SYNE2: variants seen among roughly 807,000 people sequenced by gnomAD.
The protein encoded by SYNE2 is nesprin-2.
SYNE2 carries 431 observed loss-of-function variants against 856.3 expected under a neutral mutation model. That is an observed-to-expected ratio of 0.50 (90% confidence interval 0.47 to 0.55). The LOEUF (loss-of-function observed/expected upper bound fraction) is 0.55, where lower values mean the gene tolerates loss of function less well. Ranked by LOEUF, SYNE2 falls within the 20% of genes least tolerant of loss-of-function variation. The pLI is 0.00. For synonymous variants in SYNE2, 2,923 were observed against 2,872.3 expected (o/e 1.02, Z -0.56); for missense variants, 8,129 against 8,023.2 (o/e 1.01, Z -0.50).
intron 96 of SYNE2, among the ~76,000 whole-genome samples, chr14:64,181,604 G>A (rs569285893): frequency 6.6e-6 from 1 of 152,316 alleles, no homozygotes; most frequent in African/African-American, 2.4e-5. Context: ...AAGATCCCAA[G>A]TAACCCAAAG....
chr14:63,955,105 G>T (rs546640014), intron 8 of SYNE2, among the ~76,000 whole-genome samples, 190 bp downstream of exon 8: 1 of 152,094 alleles, frequency 6.6e-6, no homozygotes, highest in Admixed American at 6.5e-5. Flanking sequence ...TAATTATAGG[G>T]GAAGCCACAG....
At chr14:63,803,692 A>T (rs917259768) in intron 1 of SYNE2, among the ~76,000 whole-genome samples, 8 of 152,206 alleles carry the variant, frequency 5.3e-5, no homozygotes, top group Non-Finnish European at 8.8e-5. Flanking sequence ...AGCCTTGGCC[A>T]GCCCAGAAAG....
chr14:63,792,508 T>C (rs1887769920), intron 1 of SYNE2, among the ~76,000 whole-genome samples: 1 of 152,144 alleles, frequency 6.6e-6, no homozygotes. Context: ...TGAGTGAAGA[T>C]TGTGCCACTG....
At chr14:64,113,614 A>G (rs1595606848) in intron 66 of SYNE2, 43 bp downstream of exon 66, 2 of 1,549,330 alleles carry the variant, frequency 1.3e-6, no homozygotes, top group Non-Finnish European at 1.8e-6. Flanking sequence ...CTCTCCACCA[A>G]TCATCTGCCA....
chr14:64,044,126 G>T (rs2097168859), intron 45 of SYNE2, among the ~76,000 whole-genome samples: 1 of 152,194 alleles, frequency 6.6e-6, no homozygotes, highest in Non-Finnish European at 1.5e-5. Flanking sequence ...GAAAGCAGCT[G>T]GGAGGGAGGC....
At chr14:63,974,848 GTA>G (rs1566949001) in intron 11 of SYNE2, among the ~76,000 whole-genome samples, 1 of 62,888 alleles carries the variant, frequency 1.6e-5, no homozygotes. Context: ...GTGTGTGTGT[GTA>G]CATGTGTGTG....
Position 64,212,740 on chromosome 14 carries a change from G to A in SYNE2, c.18862-71G>A, listed in dbSNP as rs1242686367. On this transcript the variant is annotated intron_variant, in intron 104 of 115. Coordinates refer to ENST00000555002, the MANE Select transcript of SYNE2 (RefSeq NM_182914.3). ...CATTTGGATGCTTTTCTATGGCCCT[G>A]TTAGAAGAAACAGGCAGTGGAAGCT... 5 of 1,423,906 alleles carry A rather than the reference G, an allele frequency of 3.5e-6. No individual in the cohort carries two copies. In the East Asian group the frequency reaches 9.1e-5, roughly 26 times the overall value. 88.2% of individuals were successfully genotyped at this position (1,423,906 alleles called of 1,614,324 possible).
chr14:64,131,628 C>A (rs997073084), intron 76 of SYNE2, among the ~76,000 whole-genome samples: 20 of 152,054 alleles, frequency 1.3e-4, no homozygotes, highest in Admixed American at 6.6e-5. Context: ...GTATTCCAGG[C>A]TGGAGTGCAG....
chr14:63,821,802 A>G (rs1889227333), intron 1 of SYNE2, among the ~76,000 whole-genome samples: 1 of 152,198 alleles, frequency 6.6e-6, no homozygotes, highest in Non-Finnish European at 1.5e-5. Context: ...CTGTTCATTC[A>G]TAAAAGGAAC....
intron 106 of SYNE2, among the ~76,000 whole-genome samples, chr14:64,214,936 T>G (rs2098658658): frequency 6.6e-6 from 1 of 152,160 alleles, no homozygotes; most frequent in Non-Finnish European, 1.5e-5. Context: ...AACAAGGTCT[T>G]GCTATGTTGC....
intron 49 of SYNE2, among the ~76,000 whole-genome samples, chr14:64,057,518 CAT>C (rs1205256154): frequency 1.3e-5 from 2 of 152,122 alleles, no homozygotes; most frequent in African/African-American, 4.8e-5. Context: ...TTCATCCACT[CAT>C]CTGTTGATGG....
intron 57 of SYNE2, among the ~76,000 whole-genome samples, chr14:64,086,635 A>G (rs12436224): frequency 0.01 from 1,554 of 150,358 alleles, 25 homozygotes; most frequent in African/African-American, 0.036. Context: ...GGAACATGGT[A>G]TATCTCTTTA....
chr14:63,943,817 C>T lies in SYNE2; in HGVS notation c.408+1674C>T, dbSNP rs886932601. ...TCCTGAGTAGCTGGGATTACAGGTG[C>T]GCGCCACCACGCCCAGCTAATTTTT... is the stretch of plus-strand genomic sequence containing the variant. On this transcript the variant is annotated intron_variant, in intron 6 of 115. Coordinates refer to ENST00000555002, the MANE Select transcript of SYNE2 (RefSeq NM_182914.3). Among the ~76,000 whole-genome samples the T allele has an allele frequency of 1.5e-4, 22 of 151,482 alleles. No individual in the cohort carries two copies. In the South Asian group the frequency reaches 2.1e-3, roughly 14 times the overall value.
At chr14:64,154,784 C>A (rs1442895838) in intron 85 of SYNE2, among the ~76,000 whole-genome samples, 1 of 132,516 alleles carries the variant, frequency 7.5e-6, no homozygotes, top group African/African-American at 2.9e-5. Flanking sequence ...CACAGTGAGA[C>A]CCTGTCTCAA....
intron 2 of SYNE2, among the ~76,000 whole-genome samples, chr14:63,912,812 A>G (rs535604021): frequency 6.6e-6 from 1 of 152,368 alleles, no homozygotes; most frequent in South Asian, 2.1e-4. Context: ...AGCCCTGAAG[A>G]TCAGGCAGTG....
chr14:64,025,734 A>T (rs1488262311), intron 41 of SYNE2, among the ~76,000 whole-genome samples: 1 of 152,192 alleles, frequency 6.6e-6, no homozygotes. Flanking sequence ...GTTTGCTAGG[A>T]TGTCAAAAGA....
chr14:64,210,253 T>A, intron 103 of SYNE2, 129 bp downstream of exon 103: 2 of 1,207,188 alleles, frequency 1.7e-6, no homozygotes, highest in Non-Finnish European at 2.3e-6. Flanking sequence ...GTTTTAACAG[T>A]CCTCCAACAC....
intron 1 of SYNE2, among the ~76,000 whole-genome samples, chr14:63,884,841 C>T (rs950681547): frequency 9.2e-5 from 14 of 151,936 alleles, no homozygotes; most frequent in Admixed American, 2.6e-4. Flanking sequence ...GGGGTTTCAC[C>T]GGGTTAGCCA....
intron 62 of SYNE2, 65 bp from the exon 63 acceptor site, chr14:64,098,682 G>T: frequency 6.5e-7 from 1 of 1,546,510 alleles, no homozygotes; most frequent in Non-Finnish European, 8.9e-7. Flanking sequence ...AATGCAGCTG[G>T]ACTGGGATCT....
Sources: gnomAD v4.1 joint callset for allele counts (sites outside exome capture counted in the v4.1 genomes callset) on GRCh38, gnomAD v4.1.1 for gene constraint, MANE v1.5 for transcripts, NCBI Gene and HGNC (gene_info 2026-07-23, HGNC 2026-07-21) for gene names.